Variants in PCDH15 observed in about 807,000 individuals in gnomAD.
The protein encoded by PCDH15 is protocadherin-15.
In PCDH15, 129 loss-of-function variants were observed where a neutral mutation model predicts 178.5. The ratio of observed to expected loss-of-function variants is 0.72; its 90% CI spans 0.63 to 0.84. The LOEUF is 0.84. PCDH15 is among the 40% of genes least tolerant of loss of function. The pLI is 0.00. For missense variants in PCDH15, 2,230 were observed against 2,099.9 expected (o/e 1.06, Z -1.21); for synonymous variants, 800 against 732.0 (o/e 1.09, Z -1.50).
At chr10:55,534,018 T>A (rs1841515066) in intron 2 of PCDH15, among the ~76,000 whole-genome samples, 1 of 152,086 alleles carries the variant, frequency 6.6e-6, no homozygotes, top group South Asian at 2.1e-4. Flanking sequence ...CTGAGGTAAC[T>A]GGCTAGCCAT....
intron 1 of PCDH15, among the ~76,000 whole-genome samples, chr10:55,298,260 A>G (rs903884560): frequency 3.1e-4 from 47 of 152,356 alleles, no homozygotes; most frequent in African/African-American, 1.1e-3. Context: ...ACAGAAAAAT[A>G]ATGTAAAAAA....
intron 2 of PCDH15, among the ~76,000 whole-genome samples, chr10:54,641,274 A>G (rs575255413): frequency 1.4e-3 from 209 of 152,272 alleles, no homozygotes; most frequent in Middle Eastern, 3.4e-3. Context: ...AATCACTTCT[A>G]TAAATGCTTA....
chr10:54,178,267 G>A (rs2047634870), intron 13 of PCDH15, among the ~76,000 whole-genome samples: 1 of 152,044 alleles, frequency 6.6e-6, no homozygotes, highest in South Asian at 2.1e-4. Context: ...GAAACCCAGA[G>A]TATATTCTAT....
intron 2 of PCDH15, among the ~76,000 whole-genome samples, chr10:55,109,325 C>G (rs1413719611): frequency 6.6e-6 from 1 of 152,198 alleles, no homozygotes; most frequent in Non-Finnish European, 1.5e-5. Context: ...TAATCCCTTG[C>G]ATTTCTAATT....
chr10:55,107,764 C>T (rs540924193), intron 2 of PCDH15, among the ~76,000 whole-genome samples: 39 of 151,706 alleles, frequency 2.6e-4, no homozygotes, highest in African/African-American at 8.0e-4. Flanking sequence ...CCAAAAGTGC[C>T]GGGATTACAG....
rs377766097 is a variant in PCDH15, at chr10:55,117,173, T to C, written c.-80+49403A>G. 6.0e-4 allele frequency among the ~76,000 whole-genome samples: 91 copies of C among 152,316 alleles called. 2 individuals carry two copies. The South Asian group carries it at 0.017, about 29-fold the overall frequency. On this transcript the variant is annotated intron_variant, in intron 2 of 5. Transcript: ENST00000458638. ...TAATCGATCTTTTGTCACAGGTGTC[T>C]TAGCCAAGAACCTAGCGATGGGTGA...
chr10:53,969,713 TAAAGA>T (rs1284822628), intron 21 of PCDH15, among the ~76,000 whole-genome samples: 3 of 152,156 alleles, frequency 2.0e-5, no homozygotes, highest in Non-Finnish European at 4.4e-5. Flanking sequence ...TCAACATTCT[TAAAGA>T]AAAGAATTTT....
At chr10:55,251,185 T>C (rs1045748056) in intron 1 of PCDH15, among the ~76,000 whole-genome samples, 2 of 152,174 alleles carry the variant, frequency 1.3e-5, no homozygotes, top group Non-Finnish European at 2.9e-5. Context: ...TTACTTGTAC[T>C]CATTTGTGCT....
chr10:53,924,348 C>T (rs112662794), intron 25 of PCDH15, among the ~76,000 whole-genome samples: 4,297 of 152,336 alleles, frequency 0.028, 82 homozygotes, highest in South Asian at 0.067. Context: ...GAGGGTGCAC[C>T]GGGTCCCCCA....
At chr10:55,555,280 C>T (rs868460596) in intron 2 of PCDH15, among the ~76,000 whole-genome samples, 5 of 152,030 alleles carry the variant, frequency 3.3e-5, no homozygotes, top group Admixed American at 1.3e-4. Flanking sequence ...AAAAAATGGG[C>T]TCTTCAATTA....
chr10:54,661,768 G>A (rs866727861), intron 2 of PCDH15, among the ~76,000 whole-genome samples: 6 of 151,664 alleles, frequency 4.0e-5, no homozygotes, highest in Admixed American at 2.0e-4. Flanking sequence ...GTATAACCAC[G>A]GTTCTTCAAC....
chr10:55,163,673 G>A (rs1564852516), intron 2 of PCDH15, among the ~76,000 whole-genome samples: 1 of 152,052 alleles, frequency 6.6e-6, no homozygotes, highest in Non-Finnish European at 1.5e-5. Flanking sequence ...GTCACCTCTG[G>A]TCATCCTCAG....
chr10:55,605,153 G>A (rs1843184889), intron 2 of PCDH15, among the ~76,000 whole-genome samples: 1 of 151,242 alleles, frequency 6.6e-6, no homozygotes, highest in Non-Finnish European at 1.5e-5. Flanking sequence ...TACAAGAAAT[G>A]GATAAATTCC....
In PCDH15 at chr10:55,538,327, T is replaced by C. The variant is rs183292496; in HGVS notation, c.-156+89298A>G. On this transcript the variant is annotated intron_variant, in intron 2 of 5. Coordinates refer to the PCDH15 transcript ENST00000613346. ...ATCACTCCTCCCCATCCAGACTAAA[T>C]AGAGTTTTTCATAGACAAAAATGTT... Among the ~76,000 whole-genome samples, 9 of 152,302 alleles carry C rather than the reference T, an allele frequency of 5.9e-5. 1 individual carries two copies. In the East Asian group the frequency reaches 1.4e-3, roughly 23 times the overall value.
At chr10:55,212,041 G>C (rs1840584610) in intron 1 of PCDH15, among the ~76,000 whole-genome samples, 1 of 152,056 alleles carries the variant, frequency 6.6e-6, no homozygotes, top group African/African-American at 2.4e-5. Flanking sequence ...TGTGCCAATA[G>C]AAAACAGCTA....
intron 13 of PCDH15, among the ~76,000 whole-genome samples, chr10:54,171,146 A>T (rs1435201254): frequency 1.3e-5 from 2 of 152,042 alleles, no homozygotes; most frequent in African/African-American, 4.8e-5. Context: ...TTCCCACCTC[A>T]ATACAGTCTG....
At chr10:54,643,968 C>T (rs569161888) in intron 2 of PCDH15, among the ~76,000 whole-genome samples, 3 of 92,430 alleles carry the variant, frequency 3.2e-5, no homozygotes, top group African/African-American at 1.3e-4. Context: ...ACCCTCCCCC[C>T]TCCCCCCACC....
At chr10:53,984,896 T>C (rs2090990091) in intron 21 of PCDH15, among the ~76,000 whole-genome samples, 1 of 152,330 alleles carries the variant, frequency 6.6e-6, no homozygotes, top group African/African-American at 2.4e-5. Flanking sequence ...GGCTAGGCCA[T>C]GTGACTTGCT....
chr10:54,792,871 G>A (rs1591656243), intron 1 of PCDH15, among the ~76,000 whole-genome samples: 1 of 151,874 alleles, frequency 6.6e-6, no homozygotes, highest in East Asian at 2.0e-4. Flanking sequence ...GCACTGGCAG[G>A]GTGGGATCTT....
Sources: gnomAD v4.1 joint callset for allele counts (sites outside exome capture counted in the v4.1 genomes callset) on GRCh38, gnomAD v4.1.1 for gene constraint, MANE v1.5 for transcripts, NCBI Gene and HGNC (gene_info 2026-07-23, HGNC 2026-07-21) for gene names.